Variants in NAV1 observed in about 807,000 individuals in gnomAD.
The protein encoded by NAV1 is pore membrane and/or filament interacting like protein 3.
A neutral mutation model predicts 175.2 loss-of-function variants in NAV1; 18 were observed. That is an observed-to-expected ratio of 0.10 (90% CI 0.07 to 0.15). The LOEUF (loss-of-function observed/expected upper bound fraction) is 0.15, where lower values mean the gene tolerates loss of function less well. Ranked by LOEUF, NAV1 falls within the 10% of genes least tolerant of loss-of-function variation. NAV1 has a pLI of 1.00. For synonymous variants in NAV1, 897 were observed against 978.7 expected (o/e 0.92, Z 1.56); for missense variants, 1,731 against 2,436.6 (o/e 0.71, Z 6.10).
At chr1:201,557,580 G>A (rs1213661654) in intron 1 of NAV1, among the ~76,000 whole-genome samples, 1 of 152,144 alleles carries the variant, frequency 6.6e-6, no homozygotes, top group African/African-American at 2.4e-5. Flanking sequence ...CTCCAAATTA[G>A]CACCGTCCTT....
chr1:201,676,399 G>A (rs1392653902), intron 1 of NAV1, among the ~76,000 whole-genome samples: 4 of 152,328 alleles, frequency 2.6e-5, no homozygotes, highest in Admixed American at 2.6e-4. Context: ...AAATGCAGCT[G>A]CCCAGAAGTG....
chr1:201,817,341 A>G, intron 29 of NAV1, 56 bp downstream of exon 33: 1 of 1,526,280 alleles, frequency 6.6e-7, no homozygotes. Flanking sequence ...TGAATTATTG[A>G]CCAGCAGGGT....
At chr1:201,574,289 G>A (rs776719867) in intron 1 of NAV1, among the ~76,000 whole-genome samples, 25 of 152,280 alleles carry the variant, frequency 1.6e-4, no homozygotes, top group Admixed American at 3.9e-4. Context: ...TAAAATGCTG[G>A]GGAGTGTTGA....
intron 2 of NAV1, among the ~76,000 whole-genome samples, chr1:201,634,540 A>T (rs1668562318): frequency 6.6e-6 from 1 of 152,168 alleles, no homozygotes; most frequent in South Asian, 2.1e-4. Context: ...AGGGGCTATG[A>T]AGGAAGAGGC....
At chr1:201,587,264 TAA>T (rs376130157) in intron 1 of NAV1, among the ~76,000 whole-genome samples, 1 of 143,568 alleles carries the variant, frequency 7.0e-6, no homozygotes, top group Non-Finnish European at 1.5e-5. Context: ...TTTACCACAT[TAA>T]AAAAAAAAAA....
At chr1:201,640,739 A>G (rs975418705) in intron 2 of NAV1, among the ~76,000 whole-genome samples, 12 of 152,312 alleles carry the variant, frequency 7.9e-5, no homozygotes, top group African/African-American at 2.9e-4. Context: ...CATTCCACAC[A>G]CCAGCTGCAC....
intron 1 of NAV1, among the ~76,000 whole-genome samples, chr1:201,669,856 G>A (rs1669967846): frequency 6.6e-6 from 1 of 152,098 alleles, no homozygotes; most frequent in Non-Finnish European, 1.5e-5. Context: ...AAAGAGACAG[G>A]GACTTGTGGG....
intron 1 of NAV1, among the ~76,000 whole-genome samples, chr1:201,562,739 A>G (rs891622206): frequency 5.3e-5 from 8 of 152,148 alleles, no homozygotes; most frequent in Non-Finnish European, 1.0e-4. Flanking sequence ...TTTAGCTTGC[A>G]GGGTACTTCT....
At chr1:201,789,636 T>A in intron 10 of NAV1, 104 bp from the exon 15 acceptor site, 1 of 1,042,802 alleles carries the variant, frequency 9.6e-7, no homozygotes, top group Non-Finnish European at 1.5e-6. Flanking sequence ...TTGCTCCAGA[T>A]GCCCTCCAGA....
intron 1 of NAV1, among the ~76,000 whole-genome samples, chr1:201,563,296 G>A (rs1415856467): frequency 6.6e-6 from 1 of 152,014 alleles, no homozygotes; most frequent in Non-Finnish European, 1.5e-5. Context: ...GACCCAGCCT[G>A]GATGGCAGAG....
intron 1 of NAV1, among the ~76,000 whole-genome samples, chr1:201,556,200 C>G (rs1666004754): frequency 6.6e-6 from 1 of 151,948 alleles, no homozygotes; most frequent in Non-Finnish European, 1.5e-5. Flanking sequence ...TTGTTTGAGC[C>G]CAGGAGTTTG....
intron 2 of NAV1, among the ~76,000 whole-genome samples, chr1:201,614,458 G>A (rs368790602): frequency 6.6e-6 from 1 of 152,206 alleles, no homozygotes; most frequent in South Asian, 2.1e-4. Context: ...TCTCCAGACC[G>A]GGGAGAGAGG....
chr1:201,661,164 A>C (rs1213021708), intron 1 of NAV1, among the ~76,000 whole-genome samples: 1 of 152,204 alleles, frequency 6.6e-6, no homozygotes, highest in Non-Finnish European at 1.5e-5. Flanking sequence ...TGCCTCTTGC[A>C]CAAGTAGCAA....
chr1:201,805,987 CTCTT>C (rs1678252088), intron 17 of NAV1, among the ~76,000 whole-genome samples: 1 of 117,320 alleles, frequency 8.5e-6, no homozygotes, highest in African/African-American at 3.4e-5. Context: ...CTCTCTCTCT[CTCTT>C]TTTTTTTTTT....
chr1:201,595,003 G>T (rs1032759448), intron 2 of NAV1, among the ~76,000 whole-genome samples: 1 of 152,244 alleles, frequency 6.6e-6, no homozygotes, highest in Non-Finnish European at 1.5e-5. Flanking sequence ...CGAGGAGGCC[G>T]TTGAGGGGAG....
intron 1 of NAV1, among the ~76,000 whole-genome samples, chr1:201,624,849 G>A (rs930117743): frequency 6.6e-6 from 1 of 152,122 alleles, no homozygotes; most frequent in Admixed American, 6.6e-5. Flanking sequence ...GCATAGAAAA[G>A]CTTGTACATC....
Position 201,782,604 on chromosome 1 carries a change from A to G in NAV1, c.2092A>G (p.Ile698Val), listed in dbSNP as rs1676403639. Reference sequence around the variant, plus strand: ...TGGACCTCGCCCTGTGAGCAGCAGCATTGACCCCAGTCTCCTCAGCACCAA... The same window carrying G: ...TGGACCTCGCCCTGTGAGCAGCAGCGTTGACCCCAGTCTCCTCAGCACCAA... Residue 698 changes from isoleucine to valine, a missense_variant, in exon 6 of 30, where the codon ATT (isoleucine) becomes GTT (valine). By Grantham distance (29) the Ile-to-Val change is conservative. Around this residue, in one of 13 missense-constraint regions of NAV1, gnomAD observed 634 missense variants for 766.8 expected, o/e 0.83. Transcript: ENST00000367296. The surrounding 1 kb of genome is among the most constrained non-coding windows in gnomAD (Gnocchi z 5.4). 1 of 1,613,976 alleles carries G rather than the reference A, an allele frequency of 6.2e-7. No homozygotes were observed. The highest frequency in any genetic ancestry group is 1.1e-5 in the South Asian group (1 of 91,070).
chr1:201,790,922 G>A, intron 13 of NAV1, 156 bp downstream of exon 17: 2 of 674,026 alleles, frequency 3.0e-6, no homozygotes, highest in South Asian at 3.8e-5. Context: ...AAGACGAGGG[G>A]ATTGTTCTTC....
chr1:201,585,194 C>T (rs1306968272), intron 1 of NAV1, among the ~76,000 whole-genome samples: 1 of 152,144 alleles, frequency 6.6e-6, no homozygotes, highest in East Asian at 1.9e-4. Context: ...GGGTTCTGAA[C>T]GTGTGATGAC....
Sources: allele counts gnomAD v4.1 joint callset (sites outside exome capture counted in the v4.1 genomes callset), GRCh38; gene constraint gnomAD v4.1.1; regional missense constraint gnomAD v4.1.1; non-coding constraint Gnocchi (gnomAD v3.1); transcripts MANE v1.5; gene names NCBI Gene and HGNC (gene_info 2026-07-23, HGNC 2026-07-21).